Variants in ATF7IP2 observed in about 807,000 individuals in gnomAD.
ATF7IP2 encodes activating transcription factor 7-interacting protein 2.
Under a neutral mutation model 64.2 loss-of-function variants are expected in ATF7IP2, and 42 were observed. That is an observed-to-expected ratio of 0.65 (90% CI 0.51 to 0.85). ATF7IP2 has a LOEUF of 0.85. ATF7IP2 is among the 40% of genes least tolerant of loss of function. The pLI is 0.00. For synonymous variants in ATF7IP2, 308 were observed against 272.8 expected (o/e 1.13, Z -1.27); for missense variants, 933 against 784.2 (o/e 1.19, Z -2.27).
chr16:10,468,651 A>G (rs1014620657), intron 9 of ATF7IP2, among the ~76,000 whole-genome samples: 2 of 152,176 alleles, frequency 1.3e-5, no homozygotes, highest in African/African-American at 4.8e-5. Flanking sequence ...CAGTGAAGAG[A>G]AAAAAATTCA....
At chr16:10,398,071 G>C (rs1309071878) in intron 1 of ATF7IP2, among the ~76,000 whole-genome samples, 1 of 151,926 alleles carries the variant, frequency 6.6e-6, no homozygotes, top group Non-Finnish European at 1.5e-5. Context: ...TTGGGAGGCT[G>C]AGGCGGGTGG....
intron 9 of ATF7IP2, among the ~76,000 whole-genome samples, chr16:10,469,778 A>C (rs781247457): frequency 5.9e-5 from 9 of 152,168 alleles, no homozygotes; most frequent in Non-Finnish European, 1.0e-4. Context: ...CCGTCTCAAA[A>C]AACAAAAAAG....
chr16:10,409,531 A>G (rs1334016304), intron 1 of ATF7IP2, among the ~76,000 whole-genome samples: 1 of 151,168 alleles, frequency 6.6e-6, no homozygotes, highest in Non-Finnish European at 1.5e-5. Context: ...TTAATGAGCC[A>G]TTCTCTTGCC....
chr16:10,404,373 C>T (rs182417292), intron 1 of ATF7IP2, among the ~76,000 whole-genome samples: 356 of 152,320 alleles, frequency 2.3e-3, no homozygotes, highest in Non-Finnish European at 3.8e-3. Flanking sequence ...CTGCCTCAGC[C>T]TCCCGAGTAG....
Position 10,473,991 on chromosome 16 carries a change from TA to T in ATF7IP2, c.1549+6del. 6.3e-7 allele frequency: 1 copy of T among 1,577,422 alleles called. No homozygotes were observed. The highest frequency in any genetic ancestry group is 8.7e-7 in the Non-Finnish European group (1 of 1,154,360). On this transcript the variant is annotated splice_donor_region_variant and intron_variant, in intron 12 of 13. Transcript: ENST00000562102. ...AAGGCCTATCCAACTGCAATACAGGTAAAAGGATTTTTTAGATCTTTCTTTT... is the reference window on the plus strand; with the variant it reads ...AAGGCCTATCCAACTGCAATACAGGTAAAGGATTTTTTAGATCTTTCTTTT...
chr16:10,405,522 G>A (rs1253336407), intron 1 of ATF7IP2, among the ~76,000 whole-genome samples: 1 of 152,188 alleles, frequency 6.6e-6, no homozygotes, highest in Non-Finnish European at 1.5e-5. Context: ...TTCCACAGGG[G>A]CTTGGGCCGT....
intron 7 of ATF7IP2, among the ~76,000 whole-genome samples, chr16:10,438,485 T>C (rs1296685762): frequency 6.6e-6 from 1 of 151,062 alleles, no homozygotes; most frequent in Non-Finnish European, 1.5e-5. Context: ...ACTCCTGAGC[T>C]CAAGTGATTC....
chr16:10,444,172 C>T (rs1250770516), intron 8 of ATF7IP2, among the ~76,000 whole-genome samples: 1 of 152,144 alleles, frequency 6.6e-6, no homozygotes, highest in Admixed American at 6.5e-5. Flanking sequence ...GATCAGGTTA[C>T]ATTGATAAAA....
intron 6 of ATF7IP2, among the ~76,000 whole-genome samples, chr16:10,437,380 T>A (rs541901324): frequency 1.3e-5 from 2 of 152,320 alleles, no homozygotes; most frequent in South Asian, 4.1e-4. Flanking sequence ...ATTGATATTA[T>A]TTCAATTTTA....
Position 10,431,166 on chromosome 16 carries a change from G to A in ATF7IP2, c.546G>A (p.Glu182=). ...SVLSGVVQMP[E]STVTSTVGDK... ...TGAGTGGTGTTGTTCAGATGCCAGA[G>A]TCTACAGTAACCAGTACCGTGGGTG... The change falls in exon 5 of 14, where the codon GAG becomes GAA. Residue 182 remains glutamate, a synonymous_variant. Coordinates refer to ENST00000562102, the MANE Select transcript of ATF7IP2 (RefSeq NM_001393719.1). 6.2e-7 allele frequency: 1 copy of A among 1,614,192 alleles called. No homozygotes were observed. The highest frequency in any genetic ancestry group is 1.1e-5 in the South Asian group (1 of 91,078).
intron 1 of ATF7IP2, among the ~76,000 whole-genome samples, chr16:10,395,983 A>G (rs1596423807): frequency 6.6e-6 from 1 of 152,162 alleles, no homozygotes; most frequent in Admixed American, 6.5e-5. Context: ...AGTAAAATAT[A>G]CACGGATAAC....
At chr16:10,412,010 G>GTTTTTTTTTTTTTTTTTTTTTT (rs71133351) in intron 1 of ATF7IP2, among the ~76,000 whole-genome samples, 2 of 58,390 alleles carry the variant, frequency 3.4e-5, no homozygotes, top group Non-Finnish European at 6.6e-5. Context: ...ATCTTTTTTT[G>GTTTTTTTTTTTTTTTTTTTTTT]TTTTTTTTTT....
intron 1 of ATF7IP2, among the ~76,000 whole-genome samples, chr16:10,395,150 T>C (rs1330345316): frequency 6.6e-6 from 1 of 151,788 alleles, no homozygotes; most frequent in African/African-American, 2.4e-5. Context: ...CTTCTGACCT[T>C]CCAGTAGTTA....
At chr16:10,455,277 C>G (rs1465020094) in intron 8 of ATF7IP2, among the ~76,000 whole-genome samples, 1 of 151,896 alleles carries the variant, frequency 6.6e-6, no homozygotes, top group African/African-American at 2.4e-5. Flanking sequence ...CAAAAGGGTT[C>G]TTACAAAAAA....
intron 1 of ATF7IP2, among the ~76,000 whole-genome samples, chr16:10,408,794 G>C (rs935859378): frequency 4.6e-5 from 7 of 152,160 alleles, no homozygotes; most frequent in African/African-American, 1.7e-4. Flanking sequence ...TGGGTTATCT[G>C]CTTACTCTGC....
chr16:10,435,970 G>A (rs1395906746), intron 6 of ATF7IP2, among the ~76,000 whole-genome samples: 1 of 152,162 alleles, frequency 6.6e-6, no homozygotes, highest in Non-Finnish European at 1.5e-5. Context: ...AGATTCATGT[G>A]GGTATGAGCT....
intron 8 of ATF7IP2, chr16:10,449,793 T>G (rs2048927777): frequency 6.6e-6 from 1 of 152,104 alleles, no homozygotes; most frequent in Non-Finnish European, 1.5e-5. Context: ...GTTTGTTTGT[T>G]TTTAAGGGTT....
rs1434160985 is a variant in ATF7IP2, at chr16:10,473,931, G to A, written c.1491G>A (p.Gln497=). 3.8e-5 allele frequency: 55 copies of A among 1,455,246 alleles called. No homozygotes were observed. The highest frequency in any genetic ancestry group is 1.6e-5 in the African/African-American group (1 of 61,058). The allele number at this position is 1,455,246 out of a possible 1,614,324, so 90.1% of individuals were successfully genotyped here. ...NSPNAEVMAV[Q]KKLDSIIDLT... Reference sequence around the variant, plus strand: ...TTTTACAATTTTTTTAGGCTGTACAGAAGAAACTTGATTCTATAATTGATT... The same window carrying A: ...TTTTACAATTTTTTTAGGCTGTACAAAAGAAACTTGATTCTATAATTGATT... Residue 497 remains glutamine (Q), a synonymous_variant, in exon 12 of 14, where the codon CAG becomes CAA. Transcript: ENST00000562102.
chr16:10,414,432 T>C (rs1479151091), intron 1 of ATF7IP2, 142 bp from the exon 2 acceptor site: 2 of 152,074 alleles, frequency 1.3e-5, no homozygotes, highest in African/African-American at 4.8e-5. Context: ...TTTTGATTGT[T>C]TTTTATTTAT....
Sources: gnomAD v4.1 joint callset for allele counts (sites outside exome capture counted in the v4.1 genomes callset) on GRCh38, gnomAD v4.1.1 for gene constraint, MANE v1.5 for transcripts, NCBI Gene and HGNC (gene_info 2026-07-23, HGNC 2026-07-21) for gene names.